Variants in HNF4G observed in about 807,000 individuals in gnomAD.
HNF4G encodes hepatocyte nuclear factor 4 gamma.
HNF4G carries 21 observed loss-of-function variants against 50.9 expected under a neutral mutation model. The ratio of observed to expected loss-of-function variants is 0.41; its 90% CI spans 0.29 to 0.59. HNF4G has a LOEUF of 0.59. HNF4G is among the 20% of genes least tolerant of loss of function. The pLI is 0.26. For missense variants in HNF4G, 527 were observed against 559.4 expected, an observed-to-expected ratio of 0.94 and a Z score of 0.58; for synonymous variants, 198 against 185.6, an observed-to-expected ratio of 1.07 and a Z score of -0.54.
At chr8:75,409,304 C>A (rs1172127766) in intron 1 of HNF4G, among the ~76,000 whole-genome samples, 3 of 151,982 alleles carry the variant, frequency 2.0e-5, no homozygotes, top group African/African-American at 7.3e-5. Context: ...TTCCAAAGTG[C>A]TTTATGAAGG....
intron 1 of HNF4G, among the ~76,000 whole-genome samples, chr8:75,478,819 G>A (rs1361516629): frequency 6.6e-6 from 1 of 152,124 alleles, no homozygotes; most frequent in East Asian, 1.9e-4. Context: ...CGCCTCCCGA[G>A]TTCAAGCGAT....
intron 1 of HNF4G, among the ~76,000 whole-genome samples, chr8:75,440,918 A>C (rs1371016949): frequency 2.0e-5 from 3 of 152,066 alleles, no homozygotes; most frequent in Non-Finnish European, 4.4e-5. Flanking sequence ...AGTGCATTAA[A>C]GTGATCATGG....
At chr8:75,498,259 G>T (rs1022257513) in intron 2 of HNF4G, among the ~76,000 whole-genome samples, 11 of 152,020 alleles carry the variant, frequency 7.2e-5, no homozygotes, top group African/African-American at 2.7e-4. Context: ...AAAAAGCAAT[G>T]AAAGTCCACT....
intron 1 of HNF4G, among the ~76,000 whole-genome samples, chr8:75,443,944 C>A (rs769245767): frequency 6.6e-6 from 1 of 151,856 alleles, no homozygotes; most frequent in Non-Finnish European, 1.5e-5. Context: ...ATAATTAAAG[C>A]TCTATGATAC....
At chr8:75,458,337 A>G (rs1342147831) in intron 1 of HNF4G, among the ~76,000 whole-genome samples, 1 of 147,462 alleles carries the variant, frequency 6.8e-6, no homozygotes, top group Non-Finnish European at 1.5e-5. Context: ...AGCAGAAAGA[A>G]GACTACTGTT....
At chr8:75,411,218 C>T (rs1192168675) in intron 1 of HNF4G, among the ~76,000 whole-genome samples, 1 of 152,134 alleles carries the variant, frequency 6.6e-6, no homozygotes, top group Admixed American at 6.6e-5. Context: ...TTGCTTGCTG[C>T]ACAAAGGTGC....
intron 2 of HNF4G, among the ~76,000 whole-genome samples, chr8:75,500,879 T>A (rs905609211): frequency 1.3e-5 from 2 of 152,124 alleles, no homozygotes; most frequent in African/African-American, 4.8e-5. Context: ...CGGGCATGAC[T>A]GTTAATGTAT....
At chr8:75,459,555 T>C (rs530555675) in intron 1 of HNF4G, among the ~76,000 whole-genome samples, 2 of 152,342 alleles carry the variant, frequency 1.3e-5, no homozygotes, top group Non-Finnish European at 2.9e-5. Flanking sequence ...AGTTCATACT[T>C]GGCTTGTGTA....
At chr8:75,469,240 T>C (rs1812060559) in intron 1 of HNF4G, among the ~76,000 whole-genome samples, 1 of 152,116 alleles carries the variant, frequency 6.6e-6, no homozygotes, top group Admixed American at 6.5e-5. Flanking sequence ...CGCATTTCCT[T>C]AGTCAAAGCG....
intron 1 of HNF4G, among the ~76,000 whole-genome samples, chr8:75,438,039 A>T (rs1293059326): frequency 6.6e-6 from 1 of 152,226 alleles, no homozygotes; most frequent in Non-Finnish European, 1.5e-5. Context: ...TTTTAATGTG[A>T]CAAATGAGCT....
In HNF4G at chr8:75,468,971, T is replaced by C. The variant is rs189258555; in HGVS notation, c.-143-21118T>C. 2.7e-3 allele frequency among the ~76,000 whole-genome samples: 411 copies of C among 151,810 alleles called. 6 individuals are homozygous for C. Among genetic ancestry groups the C allele is most frequent in the African/African-American group, 9.6e-3 (397 of 41,434 alleles). ...GCATTAGTTAGCTATTGCTACAAAA[T>C]GCTGCATGACAAAAGAGTCATAAAA... On this transcript the variant is annotated intron_variant, in intron 1 of 10. Coordinates refer to the HNF4G transcript ENST00000354370.
At chr8:75,543,782 T>G (rs1233899443) in intron 1 of HNF4G, 29 bp from the exon 2 acceptor site, 1 of 1,584,820 alleles carries the variant, frequency 6.3e-7, no homozygotes, top group East Asian at 2.3e-5. Context: ...GTACTAACTC[T>G]AACTGTAATC....
upstream of HNF4G, among the ~76,000 whole-genome samples, chr8:75,538,148 C>G (rs533836959): frequency 7.9e-5 from 12 of 152,250 alleles, no homozygotes; most frequent in African/African-American, 2.9e-4. Context: ...AGTTCTTACT[C>G]TATGAAATGA....
chr8:75,461,336 C>T (rs569612172), intron 1 of HNF4G, among the ~76,000 whole-genome samples: 59 of 152,202 alleles, frequency 3.9e-4, no homozygotes, highest in African/African-American at 8.9e-4. Flanking sequence ...TGGCCCCTTC[C>T]GCCATCTTCC....
At chr8:75,559,177 C>A in intron 8 of HNF4G, 140 bp downstream of exon 8, 2 of 650,434 alleles carry the variant, frequency 3.1e-6, no homozygotes, top group East Asian at 2.6e-5. Context: ...TCTGCTATGA[C>A]ATAATGAACT....
chr8:75,436,424 TGTTA>T (rs1349599193), intron 1 of HNF4G, among the ~76,000 whole-genome samples: 1 of 152,178 alleles, frequency 6.6e-6, no homozygotes, highest in Non-Finnish European at 1.5e-5. Flanking sequence ...TACAACGTAT[TGTTA>T]GTTTAGAAAT....
At chr8:75,417,121 G>GCA (rs36033284) in intron 1 of HNF4G, among the ~76,000 whole-genome samples, 305 of 151,332 alleles carry the variant, frequency 2.0e-3, no homozygotes, top group South Asian at 8.1e-3. Flanking sequence ...ACGCGTGTGC[G>GCA]CACACACACA....
At chr8:75,474,043 G>A (rs558289859) in intron 1 of HNF4G, among the ~76,000 whole-genome samples, 2 of 152,226 alleles carry the variant, frequency 1.3e-5, no homozygotes, top group South Asian at 4.2e-4. Context: ...GGTCAACTAG[G>A]GATAGTCAAT....
At chr8:75,420,213 C>T (rs2130486887) in intron 1 of HNF4G, among the ~76,000 whole-genome samples, 1 of 152,324 alleles carries the variant, frequency 6.6e-6, no homozygotes, top group East Asian at 1.9e-4. Flanking sequence ...TTCTACTTAT[C>T]TTTATCTCTA....
Sources: gnomAD v4.1 joint callset for allele counts (sites outside exome capture counted in the v4.1 genomes callset) on GRCh38, gnomAD v4.1.1 for gene constraint, MANE v1.5 for transcripts, NCBI Gene and HGNC (gene_info 2026-07-23, HGNC 2026-07-21) for gene names.